Variants in ECPAS observed in about 807,000 individuals in gnomAD.
The protein encoded by ECPAS is proteasome adapter and scaffold protein ECM29.
A neutral mutation model predicts 255.1 loss-of-function variants in ECPAS; 70 were observed. The ratio of observed to expected loss-of-function variants is 0.27; its 90% CI spans 0.23 to 0.33. The LOEUF (loss-of-function observed/expected upper bound fraction) is 0.33. Among genes scored for constraint, ECPAS ranks in the 10% least tolerant of loss-of-function variants. The pLI is 1.00. For missense variants in ECPAS, 1,817 were observed against 2,206.4 expected (o/e 0.82, Z 3.54); for synonymous variants, 784 against 775.0 (o/e 1.01, Z -0.19).
At chr9:111,462,258 G>T (rs535111053) in intron 2 of ECPAS, among the ~76,000 whole-genome samples, 1 of 152,178 alleles carries the variant, frequency 6.6e-6, no homozygotes, top group Non-Finnish European at 1.5e-5. Flanking sequence ...CTGTCCCAAA[G>T]AGTAGTTTAT....
At chr9:111,451,288 T>C (rs531696012) in intron 3 of ECPAS, 137 bp downstream of exon 3, 20 of 855,542 alleles carry the variant, frequency 2.3e-5, no homozygotes, top group Non-Finnish European at 1.1e-5. Flanking sequence ...AAGCTGGTTC[T>C]AGACTTACTC....
chr9:111,436,808 T>C (rs2098238843), intron 7 of ECPAS, 132 bp downstream of exon 7: 1 of 766,462 alleles, frequency 1.3e-6, no homozygotes, highest in Admixed American at 3.5e-5. Context: ...ACACATTACA[T>C]CAACTGCTTC....
chr9:111,483,274 C>G (rs911245388), intron 1 of ECPAS, among the ~76,000 whole-genome samples: 5 of 152,000 alleles, frequency 3.3e-5, no homozygotes, highest in Admixed American at 3.3e-4. Flanking sequence ...CCGCCCGGGG[C>G]TCCGGTTTCA....
Position 111,408,995 on chromosome 9 carries a change from C to T in ECPAS, c.2551-323G>A, listed in dbSNP as rs545622496. 6.9e-4 allele frequency among the ~76,000 whole-genome samples: 105 copies of T among 152,266 alleles called. 2 individuals are homozygous for T. The Middle Eastern group carries it at 0.024, about 35-fold the overall frequency. On this transcript the variant is annotated intron_variant, in intron 23 of 49. Coordinates refer to ENST00000684092, the MANE Select transcript of ECPAS (RefSeq NM_001364929.1). ...ACCTAGGACCAAATCACATCTCAAC[C>T]ATTTCAGCCTATACTGGTGTGCGAC...
intron 12 of ECPAS, 143 bp from the exon 13 acceptor site, chr9:111,423,391 T>C (rs2098217113): frequency 3.2e-6 from 2 of 627,054 alleles, no homozygotes; most frequent in Admixed American, 2.8e-5. Context: ...TCTGTCTAAC[T>C]ACATGGTGTT....
chr9:111,376,416 T>C, intron 37 of ECPAS, 60 bp downstream of exon 37: 5 of 1,358,490 alleles, frequency 3.7e-6, no homozygotes, highest in South Asian at 1.3e-5. Context: ...CTGAAGACTT[T>C]GAAGAATTAC....
chr9:111,373,018 C>T (rs1010310134), intron 41 of ECPAS, among the ~76,000 whole-genome samples, 152 bp downstream of exon 41: 1 of 152,046 alleles, frequency 6.6e-6, no homozygotes. Flanking sequence ...AGCGACAAAG[C>T]CAGACACCAT....
chr9:111,404,978 T>C (rs2098181890), intron 24 of ECPAS, among the ~76,000 whole-genome samples: 1 of 149,622 alleles, frequency 6.7e-6, no homozygotes, highest in Non-Finnish European at 1.5e-5. Context: ...AAAATTTCCA[T>C]ACTACCAAAA....
chr9:111,396,906 AAAAC>A, intron 25 of ECPAS, 120 bp downstream of exon 25: 1 of 1,295,356 alleles, frequency 7.7e-7, no homozygotes, highest in Non-Finnish European at 1.1e-6. Flanking sequence ...TGAAATTGGT[AAAAC>A]AGATATAAAT....
Position 111,455,291 on chromosome 9 carries a change from T to C in ECPAS, c.23-3736A>G, listed in dbSNP as rs117210399. On this transcript the variant is annotated intron_variant, in intron 2 of 49. Transcript: ENST00000684092. ...TGAGGTCAGGAGATAGAGACTATCC[T>C]GGCGAACACGGTGAAACCCCATCTC... 2.9e-3 allele frequency among the ~76,000 whole-genome samples: 434 copies of C among 152,260 alleles called. 2 individuals carry two copies. The highest frequency in any genetic ancestry group is 0.01 in the Middle Eastern group (3 of 294).
intron 2 of ECPAS, among the ~76,000 whole-genome samples, chr9:111,467,114 T>A (rs563063686): frequency 6.6e-6 from 1 of 152,152 alleles, no homozygotes; most frequent in Non-Finnish European, 1.5e-5. Flanking sequence ...AGCTATTTTC[T>A]TACAGGACTA....
At chr9:111,444,314 A>G in intron 4 of ECPAS, 64 bp downstream of exon 4, 1 of 1,075,304 alleles carries the variant, frequency 9.3e-7, no homozygotes, top group South Asian at 1.4e-5. Flanking sequence ...TGTTGATGAC[A>G]TCTAATAAAT....
intron 2 of ECPAS, among the ~76,000 whole-genome samples, chr9:111,470,374 A>G (rs2098285718): frequency 6.6e-6 from 1 of 151,176 alleles, no homozygotes; most frequent in Non-Finnish European, 1.5e-5. Flanking sequence ...GCAGTGGCGC[A>G]ATCTCTGCTC....
chr9:111,390,152 G>A (rs1472765396), intron 29 of ECPAS, 51 bp from the exon 30 acceptor site: 3 of 1,125,168 alleles, frequency 2.7e-6, no homozygotes. Flanking sequence ...TCTCTCTCCA[G>A]CCTAAAAAAT....
intron 24 of ECPAS, among the ~76,000 whole-genome samples, chr9:111,397,585 T>C (rs73656243): frequency 0.056 from 8,487 of 152,256 alleles, 575 homozygotes; most frequent in African/African-American, 0.15. Flanking sequence ...AATATCGTCA[T>C]CCACAGCATT....
intron 41 of ECPAS, 69 bp downstream of exon 41, chr9:111,373,101 A>T: frequency 1.7e-6 from 2 of 1,196,740 alleles, no homozygotes; most frequent in Non-Finnish European, 2.5e-6. Flanking sequence ...GTAAGACCTA[A>T]TTTGTACTGT....
At chr9:111,483,660 GCTGTGCC>G in intron 1 of ECPAS, 1 of 190,152 alleles carries the variant, frequency 5.3e-6, no homozygotes, top group Non-Finnish European at 9.5e-6. Flanking sequence ...CGCGGACCGC[GCTGTGCC>G]CCGAGGCCCG....
intron 3 of ECPAS, among the ~76,000 whole-genome samples, chr9:111,448,924 GTTC>G (rs1412077004): frequency 6.6e-6 from 1 of 151,578 alleles, no homozygotes; most frequent in Non-Finnish European, 1.5e-5. Context: ...GTCATTTTTG[GTTC>G]TTTTTTTTTA....
intron 2 of ECPAS, among the ~76,000 whole-genome samples, chr9:111,458,576 A>C (rs995934996): frequency 6.6e-6 from 1 of 150,598 alleles, no homozygotes; most frequent in Non-Finnish European, 1.5e-5. Flanking sequence ...AGAAAGACTA[A>C]TCATCTTGCA....
Sources: allele counts gnomAD v4.1 joint callset (sites outside exome capture counted in the v4.1 genomes callset), GRCh38; gene constraint gnomAD v4.1.1; transcripts MANE v1.5; gene names NCBI Gene and HGNC (gene_info 2026-07-23, HGNC 2026-07-21).